The following CHRDL1 variants were observed in gnomAD, a reference collection of about 807,000 sequenced individuals.
CHRDL1 encodes the protein chordin like 1, also known as chordin-like protein 1.
A neutral mutation model predicts 40.9 loss-of-function variants in CHRDL1; 19 were observed. The observed-to-expected ratio is 0.46, with a 90% CI of 0.32 to 0.68. The LOEUF (loss-of-function observed/expected upper bound fraction) is 0.68, where lower values mean the gene tolerates loss of function less well. Among genes scored for constraint, CHRDL1 ranks in the 30% least tolerant of loss-of-function variants. The pLI, the probability that CHRDL1 is intolerant of heterozygous loss-of-function variation, is 0.03. For missense variants in CHRDL1, 329 were observed against 352.1 expected, an observed-to-expected ratio of 0.93 and a Z score of 0.53; for synonymous variants, 136 against 123.4, an observed-to-expected ratio of 1.10 and a Z score of -0.68.
At chrX:110,767,984 A>G (rs2089689323) in intron 2 of CHRDL1, among the ~76,000 whole-genome samples, 1 of 112,367 alleles carries the variant, frequency 8.9e-6, no homozygotes, top group Non-Finnish European at 1.9e-5. Context: ...AAACTATACT[A>G]TAAGGCCATA....
At chrX:110,794,736 G>A (rs1345453408) in intron 1 of CHRDL1, among the ~76,000 whole-genome samples, 1 of 112,316 alleles carries the variant, frequency 8.9e-6, no homozygotes, top group African/African-American at 3.2e-5. Flanking sequence ...CCACAGGAAG[G>A]CTAAGGGATG....
At chrX:110,735,746 G>T (rs1261126091) in intron 4 of CHRDL1, among the ~76,000 whole-genome samples, 1 of 112,278 alleles carries the variant, frequency 8.9e-6, no homozygotes, top group African/African-American at 3.2e-5. Flanking sequence ...AGTCCAGGGG[G>T]TGGTATTTTT....
At chrX:110,724,925 G>A in intron 4 of CHRDL1, among the ~76,000 whole-genome samples, 1 of 111,854 alleles carries the variant, frequency 8.9e-6, no homozygotes, top group Non-Finnish European at 1.9e-5. Context: ...AGGTGGCTGG[G>A]CTAGTAAACA....
chrX:110,676,664 T>C (rs777728034), intron 11 of CHRDL1, among the ~76,000 whole-genome samples: 1 of 111,637 alleles, frequency 9.0e-6, no homozygotes, highest in South Asian at 3.8e-4. Flanking sequence ...TTTTACAGTA[T>C]ATTTAGCATT....
chrX:110,724,644 T>C (rs2071024025), intron 4 of CHRDL1, among the ~76,000 whole-genome samples: 1 of 110,750 alleles, frequency 9.0e-6, no homozygotes, highest in Admixed American at 9.6e-5. Context: ...CTCAGAAATA[T>C]AGCTTTCCTG....
At chrX:110,691,755 C>T (rs1032267870) in intron 8 of CHRDL1, among the ~76,000 whole-genome samples, 1 of 111,538 alleles carries the variant, frequency 9.0e-6, no homozygotes, top group Non-Finnish European at 1.9e-5. Context: ...GAATACTGGA[C>T]ACTCTAACTG....
intron 2 of CHRDL1, among the ~76,000 whole-genome samples, chrX:110,791,428 T>TC (rs900219537): frequency 4.5e-5 from 5 of 111,031 alleles, no homozygotes; most frequent in African/African-American, 6.6e-5. Flanking sequence ...GGGTTAATTA[T>TC]CCCCCCCGCC....
chrX:110,686,900 A>AAAC (rs945537207), intron 9 of CHRDL1, among the ~76,000 whole-genome samples: 5 of 105,347 alleles, frequency 4.7e-5, no homozygotes, highest in African/African-American at 1.4e-4. Flanking sequence ...ACAAAAAATA[A>AAAC]AAAAAAAAAT....
At chrX:110,741,895 C>T (rs977599264) in intron 4 of CHRDL1, among the ~76,000 whole-genome samples, 1 of 111,760 alleles carries the variant, frequency 8.9e-6, no homozygotes, top group Non-Finnish European at 1.9e-5. Context: ...GAAGGGCTGC[C>T]TGGAGGAGCT....
chrX:110,692,268 G>A (rs2070294485), intron 8 of CHRDL1, among the ~76,000 whole-genome samples: 1 of 111,595 alleles, frequency 9.0e-6, no homozygotes, highest in Non-Finnish European at 1.9e-5. Context: ...TCTGGACAGG[G>A]AAACATAGCC....
intron 2 of CHRDL1, among the ~76,000 whole-genome samples, chrX:110,763,564 C>A (rs958445044): frequency 9.5e-6 from 1 of 105,308 alleles, no homozygotes; most frequent in African/African-American, 3.7e-5. Flanking sequence ...TATATACACA[C>A]ACATACTGAC....
At chrX:110,752,082 G>T (rs1014552497) in intron 4 of CHRDL1, among the ~76,000 whole-genome samples, 4 of 112,015 alleles carry the variant, frequency 3.6e-5, no homozygotes, top group African/African-American at 1.3e-4. Flanking sequence ...TGATCTCATA[G>T]AAACAGAAAG....
chrX:110,681,052 T>C lies in CHRDL1; in HGVS notation c.1156+430A>G, dbSNP rs187159180. Among the ~76,000 whole-genome samples, 134 of 112,293 alleles carry C rather than the reference T, an allele frequency of 1.2e-3. 1 individual carries two copies. Among genetic ancestry groups the C allele is most frequent in the Non-Finnish European group, 1.3e-3 (67 of 53,255 alleles). The stretch of plus-strand genomic sequence containing the variant: ...GAATGACAGACTACAGTTTGACAGT[T>C]TGTAATCCTGGCTACATATTACAAT... On this transcript the variant is annotated intron_variant, in intron 10 of 11. Coordinates refer to ENST00000372042, the MANE Select transcript of CHRDL1 (RefSeq NM_001143981.2).
chrX:110,687,079 A>T (rs755044648), intron 9 of CHRDL1, among the ~76,000 whole-genome samples: 9 of 110,409 alleles, frequency 8.2e-5, no homozygotes, highest in African/African-American at 3.0e-4. Context: ...TTTGTGTCAT[A>T]AATCAGTGCT....
chrX:110,691,393 C>T (rs755260826), intron 8 of CHRDL1, among the ~76,000 whole-genome samples: 44 of 110,307 alleles, frequency 4.0e-4, no homozygotes, highest in Admixed American at 7.8e-4. Context: ...TGGGGAAGTC[C>T]GAGGATGAGT....
chrX:110,682,500 G>A (rs1569459162), intron 9 of CHRDL1, among the ~76,000 whole-genome samples: 1 of 112,307 alleles, frequency 8.9e-6, no homozygotes, highest in East Asian at 2.8e-4. Flanking sequence ...AGTTAAGTTT[G>A]CTTGCTGGCC....
intron 4 of CHRDL1, among the ~76,000 whole-genome samples, chrX:110,744,722 G>A (rs184620252): frequency 2.1e-3 from 239 of 111,290 alleles, no homozygotes; most frequent in African/African-American, 7.3e-3. Context: ...GCCAGACGTA[G>A]CCACTAAGCC....
At chrX:110,734,404 T>C (rs958025079) in intron 4 of CHRDL1, among the ~76,000 whole-genome samples, 3 of 112,086 alleles carry the variant, frequency 2.7e-5, no homozygotes, top group Admixed American at 9.5e-5. Context: ...AACCTCTATG[T>C]TCTTTCCTGT....
intron 4 of CHRDL1, among the ~76,000 whole-genome samples, chrX:110,728,843 CA>C (rs1355738862): frequency 1.8e-5 from 2 of 111,915 alleles, no homozygotes; most frequent in African/African-American, 6.5e-5. Flanking sequence ...ATGAATGTAT[CA>C]AAAACAGTGG....
Sources: allele counts gnomAD v4.1 joint callset (sites outside exome capture counted in the v4.1 genomes callset), GRCh38; gene constraint gnomAD v4.1.1; transcripts MANE v1.5; gene names NCBI Gene and HGNC (gene_info 2026-07-23, HGNC 2026-07-21).